The following CAPN5 variants were observed in gnomAD, a reference collection of about 807,000 sequenced individuals.
CAPN5 encodes calpain-5.
A neutral mutation model predicts 73.0 loss-of-function variants in CAPN5; 54 were observed. The observed-to-expected ratio is 0.74, with a 90% CI of 0.59 to 0.93. The LOEUF is 0.93. Among genes scored for constraint, CAPN5 ranks in the 40% least tolerant of loss-of-function variants. The pLI is 0.00. For synonymous variants in CAPN5, 335 were observed against 356.9 expected, an observed-to-expected ratio of 0.94 and a Z score of 0.69; for missense variants, 785 against 882.9, an observed-to-expected ratio of 0.89 and a Z score of 1.41.
chr11:77,098,778 G>GA (rs1425655908), intron 3 of CAPN5, among the ~76,000 whole-genome samples: 2 of 81,052 alleles, frequency 2.5e-5, no homozygotes, highest in Non-Finnish European at 4.7e-5. Flanking sequence ...GGGCGGGGGG[G>GA]CTGACCCCCC....
chr11:77,075,345 G>A (rs1267595031), intron 1 of CAPN5, among the ~76,000 whole-genome samples: 1 of 152,162 alleles, frequency 6.6e-6, no homozygotes, highest in African/African-American at 2.4e-5. Context: ...GTGTCAGGGT[G>A]CCACACACCT....
chr11:77,123,418 C>T (rs1160878095), intron 12 of CAPN5, among the ~76,000 whole-genome samples: 8 of 152,172 alleles, frequency 5.3e-5, no homozygotes, highest in Non-Finnish European at 7.4e-5. Context: ...GGGTGTACCG[C>T]TTGTCCAAGT....
rs374103819 is a variant in CAPN5, at chr11:77,112,640, T to G, written c.349T>G (p.Tyr117Asp). ...ATGGGACCCCGAAAAGCCCAACGCC[T>G]ACGCGGGCATCTTCCACTTCCACTT... ...QEWDPEKPNA[Y>D]AGIFHFHFWR... is the part of the protein sequence containing the mutation. Residue 117 changes from tyrosine to aspartate, a missense_variant, in exon 4 of 13, where the codon TAC becomes GAC. By Grantham distance (160) the Tyr-to-Asp change is radical. Transcript: ENST00000648180. 7 of 1,613,654 alleles carry G rather than the reference T, an allele frequency of 4.3e-6. No individual in the cohort carries two copies. The highest frequency in any genetic ancestry group is 4.5e-5 in the East Asian group (2 of 44,844).
At chr11:77,071,916 C>T (rs1456690353) in intron 1 of CAPN5, among the ~76,000 whole-genome samples, 6 of 152,342 alleles carry the variant, frequency 3.9e-5, no homozygotes, top group East Asian at 1.9e-4. Flanking sequence ...CCCAGAGCCC[C>T]GGCCTGCCTG....
chr11:77,121,042 C>T, intron 10 of CAPN5, 133 bp downstream of exon 10: 1 of 770,040 alleles, frequency 1.3e-6, no homozygotes. Context: ...CAGTGCCCAT[C>T]TCCTTCCCTT....
In CAPN5 at chr11:77,067,034, C is replaced by A. The variant is rs561478056; in HGVS notation, c.-96C>A. On this transcript the variant is annotated 5_prime_UTR_variant, in exon 1 of 13. Transcript: ENST00000648180. Reference sequence around the variant, plus strand: ...GCGCCGGGCGGCTGCAGCCTCCGCTCCAGCGCCCGCGCCGTGCCCTGCATC... The same window carrying A: ...GCGCCGGGCGGCTGCAGCCTCCGCTACAGCGCCCGCGCCGTGCCCTGCATC... The A allele has an allele frequency of 6.6e-6, 1 of 152,226 alleles. No homozygotes were observed. Among genetic ancestry groups the A allele is most frequent in the Admixed American group, 6.5e-5 (1 of 15,300 alleles). 9.4% of individuals were successfully genotyped at this position (152,226 alleles called of 1,614,324 possible).
chr11:77,079,280 TTGCATC>T (rs1256178734), intron 1 of CAPN5, among the ~76,000 whole-genome samples: 1 of 152,156 alleles, frequency 6.6e-6, no homozygotes, highest in African/African-American at 2.4e-5. Flanking sequence ...GTTGAAGGTT[TTGCATC>T]TGTGTTCATA....
chr11:77,102,851 C>T (rs782315972), intron 3 of CAPN5: 17 of 1,593,520 alleles, frequency 1.1e-5, no homozygotes, highest in Non-Finnish European at 1.5e-5. Flanking sequence ...TGGCGGAGGA[C>T]AGGCCGCAGC....
Position 77,122,572 on chromosome 11 carries a change from C to G in CAPN5, c.1604-4C>G. On this transcript the variant is annotated splice_polypyrimidine_tract_variant and splice_region_variant and intron_variant, in intron 11 of 12. Transcript: ENST00000648180. The stretch of plus-strand genomic sequence containing the variant: ...TCACCCCATCTCCCACTCCCTCTCC[C>G]TAGGGGCTAACTCTTATGTGATCAT... 1.2e-6 allele frequency: 2 copies of G among 1,606,652 alleles called. No individual in the cohort carries two copies. Among genetic ancestry groups the G allele is most frequent in the Non-Finnish European group, 1.7e-6 (2 of 1,176,262 alleles).
intron 3 of CAPN5, among the ~76,000 whole-genome samples, chr11:77,096,437 G>A (rs982228559): frequency 6.6e-6 from 1 of 152,158 alleles, no homozygotes; most frequent in Non-Finnish European, 1.5e-5. Flanking sequence ...TGCCTTTTGC[G>A]CTCTCTGCAC....
chr11:77,094,598 C>T (rs1555037246), intron 3 of CAPN5, among the ~76,000 whole-genome samples: 1 of 152,228 alleles, frequency 6.6e-6, no homozygotes, highest in Non-Finnish European at 1.5e-5. Context: ...CTCATCCCTG[C>T]CCTTCTGCCA....
chr11:77,081,675 G>C (rs1248972178), intron 1 of CAPN5, among the ~76,000 whole-genome samples: 1 of 152,198 alleles, frequency 6.6e-6, no homozygotes, highest in African/African-American at 2.4e-5. Flanking sequence ...TCAGGACAGC[G>C]GGGGCCTGGG....
rs782264018 is a variant in CAPN5 at position 77,114,330 on chromosome 11, C to G, written c.595C>G (p.Leu199Val). The G allele has an allele frequency of 1.9e-6, 3 of 1,614,172 alleles. No homozygotes were observed. In the South Asian group the frequency reaches 3.3e-5, roughly 18 times the overall value. Residue 199 changes from leucine to valine, a missense_variant, in exon 5 of 13, where the codon CTG becomes GTG. Physicochemically the swap from Leu to Val is conservative, Grantham distance 32 (BLOSUM62 1). Transcript: ENST00000648180. ...FTGGVSEPIDLTEGDFANDET... is the reference protein window; with the variant it reads ...FTGGVSEPIDVTEGDFANDET... ...GGGTGGTGTTTCTGAGCCCATCGAC[C>G]TGACCGAGGGTGACTTTGCCAACGA...
chr11:77,089,367 T>C (rs1950125431), intron 2 of CAPN5, among the ~76,000 whole-genome samples: 1 of 152,242 alleles, frequency 6.6e-6, no homozygotes, highest in South Asian at 2.1e-4. Flanking sequence ...TGGCTCCTGC[T>C]GTCACAGCTC....
intron 1 of CAPN5, among the ~76,000 whole-genome samples, chr11:77,067,373 C>A (rs925249526): frequency 6.6e-6 from 1 of 151,542 alleles, no homozygotes; most frequent in Non-Finnish European, 1.5e-5. Flanking sequence ...AGTCGTTTTC[C>A]TAGTGCGGAC....
At chr11:77,080,046 G>A (rs771945278) in intron 1 of CAPN5, among the ~76,000 whole-genome samples, 4 of 152,082 alleles carry the variant, frequency 2.6e-5, no homozygotes, top group East Asian at 1.9e-4. Context: ...TGAGGTAGGG[G>A]TAAGACAACT....
chr11:77,090,170 C>T (rs956612428), intron 2 of CAPN5, among the ~76,000 whole-genome samples: 8 of 152,208 alleles, frequency 5.3e-5, no homozygotes, highest in Non-Finnish European at 1.2e-4. Flanking sequence ...CCAGAGCAGA[C>T]TCCAGGTGCC....
chr11:77,072,905 CAG>C (rs2135406497), intron 1 of CAPN5: 1 of 348,432 alleles, frequency 2.9e-6, no homozygotes, highest in East Asian at 8.1e-5. Flanking sequence ...AGCCTGTGGC[CAG>C]AGAGGGCAGG....
chr11:77,085,122 A>C, intron 2 of CAPN5, 71 bp downstream of exon 2: 2 of 1,392,278 alleles, frequency 1.4e-6, no homozygotes, highest in Non-Finnish European at 2.0e-6. Context: ...GCCTGCAGGG[A>C]CATCGGGGTG....
Sources: gnomAD v4.1 joint callset for allele counts (sites outside exome capture counted in the v4.1 genomes callset) on GRCh38, gnomAD v4.1.1 for gene constraint, MANE v1.5 for transcripts, NCBI Gene and HGNC (gene_info 2026-07-23, HGNC 2026-07-21) for gene names.